Variants in ARL15 observed in about 807,000 individuals in gnomAD.
ARL15 encodes the protein ADP-ribosylation factor-like protein 15.
ARL15 carries 19 observed loss-of-function variants against 25.2 expected under a neutral mutation model. The observed-to-expected ratio is 0.75, with a 90% CI of 0.53 to 1.10. ARL15 has a LOEUF of 1.10. Among genes scored for constraint, ARL15 ranks in the 50% least tolerant of loss-of-function variants. The pLI, the probability that ARL15 is intolerant of heterozygous loss-of-function variation, is 0.00. For synonymous variants in ARL15, 94 were observed against 86.8 expected, an observed-to-expected ratio of 1.08 and a Z score of -0.46; for missense variants, 220 against 246.0, an observed-to-expected ratio of 0.89 and a Z score of 0.71.
At chr5:54,295,950 CCAAA>C (rs1758455822) in intron 1 of ARL15, among the ~76,000 whole-genome samples, 2 of 152,206 alleles carry the variant, frequency 1.3e-5, no homozygotes, top group Admixed American at 1.3e-4. Context: ...ACTGAAGGCT[CCAAA>C]CAATCACAGA....
In ARL15 at chr5:54,289,368, A is replaced by C. The variant is rs565712974; in HGVS notation, c.48+21064T>G. Among the ~76,000 whole-genome samples, 8 of 152,208 alleles carry C rather than the reference A, an allele frequency of 5.3e-5. No individual in the cohort carries two copies. In the East Asian group the frequency reaches 1.5e-3, roughly 29 times the overall value. On this transcript the variant is annotated intron_variant, in intron 1 of 4. Transcript: ENST00000504924. ...TGGTGACAAGTCCTATGAAGAAAAA[A>C]AAAAAAAAGAGAGAATGTGCAGGAG...
chr5:54,167,757 A>G (rs1754614735), intron 2 of ARL15, among the ~76,000 whole-genome samples: 1 of 152,042 alleles, frequency 6.6e-6, no homozygotes, highest in South Asian at 2.1e-4. Context: ...TTTTCTGTCC[A>G]CCTTCTTGAA....
intron 4 of ARL15, among the ~76,000 whole-genome samples, chr5:54,002,809 T>C (rs1172818777): frequency 1.3e-5 from 2 of 152,222 alleles, no homozygotes; most frequent in Non-Finnish European, 2.9e-5. Flanking sequence ...CCCTGTAATA[T>C]ATGTTTCTGA....
chr5:54,175,128 C>T (rs571179007), intron 1 of ARL15, among the ~76,000 whole-genome samples: 6 of 152,290 alleles, frequency 3.9e-5, no homozygotes, highest in African/African-American at 1.2e-4. Context: ...TTATTCATGT[C>T]GTTATCACTC....
chr5:54,239,105 T>C (rs1238081170), intron 1 of ARL15, among the ~76,000 whole-genome samples: 3 of 152,126 alleles, frequency 2.0e-5, no homozygotes. Flanking sequence ...GCACCCTCCA[T>C]GGTGGAAACG....
chr5:53,980,025 C>A (rs1748070574), intron 4 of ARL15, among the ~76,000 whole-genome samples: 1 of 152,122 alleles, frequency 6.6e-6, no homozygotes, highest in African/African-American at 2.4e-5. Flanking sequence ...ACTCTAGTTT[C>A]TTTCTTCAAC....
intron 1 of ARL15, among the ~76,000 whole-genome samples, chr5:54,230,992 C>T (rs1196174530): frequency 6.6e-6 from 1 of 151,498 alleles, no homozygotes; most frequent in Non-Finnish European, 1.5e-5. Flanking sequence ...AGCATTTTTA[C>T]CTAGATCAGT....
chr5:53,952,551 G>GA (rs1747013869), intron 4 of ARL15, among the ~76,000 whole-genome samples: 1 of 151,946 alleles, frequency 6.6e-6, no homozygotes, highest in Non-Finnish European at 1.5e-5. Flanking sequence ...AAATGAATGT[G>GA]AAAAAAATCA....
chr5:54,290,422 T>G (rs1038412616), intron 1 of ARL15, among the ~76,000 whole-genome samples: 1 of 151,502 alleles, frequency 6.6e-6, no homozygotes, highest in African/African-American at 2.4e-5. Context: ...TTCTCCTGCC[T>G]CAGCCTCCTG....
Position 54,131,304 on chromosome 5 carries a change from G to A in ARL15, c.254-17894C>T, listed in dbSNP as rs1280874299. Among the ~76,000 whole-genome samples the A allele has an allele frequency of 3.3e-5, 5 of 152,100 alleles. 1 individual carries two copies. The highest frequency in any genetic ancestry group is 3.3e-4 in the Admixed American group (5 of 15,280). Reference sequence around the variant, plus strand: ...AATCTTTTCACACCATTTATGAAACGTTTACACTGGTCAAAATGAACTGCT... The same window carrying A: ...AATCTTTTCACACCATTTATGAAACATTTACACTGGTCAAAATGAACTGCT... On this transcript the variant is annotated intron_variant, in intron 3 of 4. Coordinates refer to ENST00000504924, the MANE Select transcript of ARL15 (RefSeq NM_019087.3).
chr5:54,109,953 T>C (rs954311954), intron 4 of ARL15, among the ~76,000 whole-genome samples: 4 of 151,916 alleles, frequency 2.6e-5, no homozygotes, highest in Admixed American at 6.6e-5. Context: ...TTTAAGCTTG[T>C]TTAAAAATAC....
chr5:53,914,508 T>G (rs1322635527), intron 4 of ARL15, among the ~76,000 whole-genome samples: 1 of 152,196 alleles, frequency 6.6e-6, no homozygotes, highest in Non-Finnish European at 1.5e-5. Flanking sequence ...CCCTGAAGAA[T>G]TGACTGCTCC....
chr5:54,004,906 TTA>T (rs1248394623), intron 4 of ARL15, among the ~76,000 whole-genome samples: 2 of 152,196 alleles, frequency 1.3e-5, no homozygotes, highest in Non-Finnish European at 2.9e-5. Flanking sequence ...AGTCAGCATA[TTA>T]TGTTTTCTGC....
At chr5:54,142,335 T>C (rs556533950) in intron 3 of ARL15, among the ~76,000 whole-genome samples, 1 of 152,262 alleles carries the variant, frequency 6.6e-6, no homozygotes, top group South Asian at 2.1e-4. Context: ...TTATAGGAGA[T>C]AGGAATTTAG....
At chr5:54,052,710 T>A (rs1050931831) in intron 4 of ARL15, among the ~76,000 whole-genome samples, 2 of 152,086 alleles carry the variant, frequency 1.3e-5, no homozygotes, top group Non-Finnish European at 2.9e-5. Flanking sequence ...CATATAAAAA[T>A]GTTTTTATAT....
intron 1 of ARL15, among the ~76,000 whole-genome samples, chr5:54,221,648 G>T (rs1031416815): frequency 1.3e-5 from 2 of 151,874 alleles, no homozygotes; most frequent in Non-Finnish European, 2.9e-5. Flanking sequence ...TTGGCTCTGA[G>T]ATAATATATC....
At chr5:54,266,846 T>C (rs1757637523) in intron 1 of ARL15, among the ~76,000 whole-genome samples, 1 of 152,168 alleles carries the variant, frequency 6.6e-6, no homozygotes, top group Middle Eastern at 3.2e-3. Context: ...CAATAGAAGA[T>C]GACCCAAAAA....
chr5:54,261,364 C>T (rs2112622527), intron 1 of ARL15, among the ~76,000 whole-genome samples: 1 of 152,268 alleles, frequency 6.6e-6, no homozygotes, highest in South Asian at 2.1e-4. Flanking sequence ...TAAGGTATCT[C>T]ACCCGGCTCA....
chr5:54,299,284 G>A (rs374571453), intron 1 of ARL15, among the ~76,000 whole-genome samples: 14 of 152,268 alleles, frequency 9.2e-5, no homozygotes, highest in South Asian at 4.1e-4. Flanking sequence ...GGCTGAGGCC[G>A]TAGGCATCCT....
Sources: allele counts gnomAD v4.1 joint callset (sites outside exome capture counted in the v4.1 genomes callset), GRCh38; gene constraint gnomAD v4.1.1; transcripts MANE v1.5; gene names NCBI Gene and HGNC (gene_info 2026-07-23, HGNC 2026-07-21).